Variants in SLC16A7 observed in about 807,000 individuals in gnomAD.
SLC16A7 encodes the protein monocarboxylate transporter 2.
In SLC16A7, 33 loss-of-function variants were observed where a neutral mutation model predicts 34.9. The observed-to-expected ratio is 0.94, with a 90% confidence interval of 0.72 to 1.26. The LOEUF is 1.26. Among genes scored for constraint, SLC16A7 ranks in the 50% most tolerant of loss-of-function variants. The pLI, the probability that SLC16A7 is intolerant of heterozygous loss-of-function variation, is 0.00. For synonymous variants in SLC16A7, 201 were observed against 206.6 expected (o/e 0.97, Z 0.23); for missense variants, 573 against 578.1 (o/e 0.99, Z 0.09).
intron 3 of SLC16A7, among the ~76,000 whole-genome samples, chr12:59,722,903 C>A (rs970533500): frequency 1.3e-5 from 2 of 151,848 alleles, no homozygotes; most frequent in Non-Finnish European, 2.9e-5. Context: ...TATATGTTAT[C>A]CACTAGTCAC....
intron 3 of SLC16A7, among the ~76,000 whole-genome samples, chr12:59,760,045 A>G (rs1033927770): frequency 2.0e-5 from 3 of 152,052 alleles, no homozygotes; most frequent in African/African-American, 7.2e-5. Flanking sequence ...TTAAAAATCT[A>G]TCATAGATCT....
intron 2 of SLC16A7, among the ~76,000 whole-genome samples, chr12:59,685,525 T>C (rs1463536372): frequency 1.3e-5 from 2 of 152,146 alleles, no homozygotes; most frequent in African/African-American, 4.8e-5. Context: ...TCAACTATTA[T>C]GCATTATTTA....
intron 3 of SLC16A7, among the ~76,000 whole-genome samples, chr12:59,763,628 C>A (rs1881243117): frequency 6.6e-6 from 1 of 152,110 alleles, no homozygotes; most frequent in South Asian, 2.1e-4. Flanking sequence ...TATACTTCTA[C>A]TTATTGCATT....
In SLC16A7 at chr12:59,716,665, T is replaced by C. The variant is rs991445166; in HGVS notation, c.217+11647T>C. On this transcript the variant is annotated intron_variant, in intron 3 of 5. Coordinates refer to ENST00000547379, the MANE Select transcript of SLC16A7 (RefSeq NM_001270623.2). The stretch of plus-strand genomic sequence containing the variant: ...AAGTTCAAGACCAGCCTGGACAACA[T>C]GGTGAAACCCTGCCTCTACCCAAAA... Among the ~76,000 whole-genome samples the C allele has an allele frequency of 5.3e-5, 8 of 151,986 alleles. No homozygotes were observed. The South Asian group carries it at 1.2e-3, about 24-fold the overall frequency.
In SLC16A7 at chr12:59,748,159, G is replaced by T. The variant is rs541850504; in HGVS notation, c.218-23060G>T. Among the ~76,000 whole-genome samples, 5 of 152,092 alleles carry T rather than the reference G, an allele frequency of 3.3e-5. No individual in the cohort carries two copies. The South Asian group carries it at 1.0e-3, about 32-fold the overall frequency. On this transcript the variant is annotated intron_variant, in intron 3 of 5. Coordinates refer to ENST00000547379, the MANE Select transcript of SLC16A7 (RefSeq NM_001270623.2). ...GGATTGGTAGAAGTGGAGAGGCGTG[G>T]GTCAAAGGATACAAAATTTTAGCTA...
chr12:59,623,486 A>G (rs1256640631), intron 1 of SLC16A7, among the ~76,000 whole-genome samples: 1 of 151,644 alleles, frequency 6.6e-6, no homozygotes, highest in Non-Finnish European at 1.5e-5. Context: ...TATTTTATCT[A>G]TATAAATTTG....
At chr12:59,752,471 G>A (rs1879702351) in intron 3 of SLC16A7, among the ~76,000 whole-genome samples, 1 of 152,178 alleles carries the variant, frequency 6.6e-6, no homozygotes, top group Admixed American at 6.5e-5. Flanking sequence ...GAAACCTCAG[G>A]AGCGGATGTG....
chr12:59,721,825 A>G (rs1186027205), intron 3 of SLC16A7, among the ~76,000 whole-genome samples: 1 of 151,918 alleles, frequency 6.6e-6, no homozygotes, highest in East Asian at 1.9e-4. Context: ...TCTTCCATAC[A>G]ACACATTCTT....
chr12:59,765,287 G>T (rs566730454), intron 3 of SLC16A7, among the ~76,000 whole-genome samples: 1 of 152,124 alleles, frequency 6.6e-6, no homozygotes, highest in East Asian at 1.9e-4. Flanking sequence ...TAGGTTGCCT[G>T]TTCACTCTGA....
chr12:59,669,680 A>C (rs1869513336), intron 2 of SLC16A7, among the ~76,000 whole-genome samples: 1 of 151,750 alleles, frequency 6.6e-6, no homozygotes, highest in Admixed American at 6.6e-5. Flanking sequence ...ACACACACAC[A>C]CACACGATTT....
At chr12:59,723,931 C>A (rs1617982) in intron 3 of SLC16A7, among the ~76,000 whole-genome samples, 18,657 of 151,792 alleles carry the variant, frequency 0.12, 1,501 homozygotes, top group African/African-American at 0.22. Flanking sequence ...AATATTTTAC[C>A]AATTTTCATC....
intron 5 of SLC16A7, 105 bp downstream of exon 5, chr12:59,775,580 GCC>G: frequency 1.3e-6 from 1 of 789,686 alleles, no homozygotes; most frequent in Non-Finnish European, 2.0e-6. Context: ...AATACTAATA[GCC>G]TGAAGGAATA....
At chr12:59,702,351 A>G (rs945208496) in intron 2 of SLC16A7, among the ~76,000 whole-genome samples, 5 of 152,032 alleles carry the variant, frequency 3.3e-5, no homozygotes, top group Non-Finnish European at 7.4e-5. Context: ...TCCAATTAAT[A>G]GATGAATAGA....
At chr12:59,636,608 T>C (rs1880439927) in intron 1 of SLC16A7, among the ~76,000 whole-genome samples, 1 of 152,044 alleles carries the variant, frequency 6.6e-6, no homozygotes, top group South Asian at 2.1e-4. Context: ...GGACTACAGG[T>C]GTGCACCACC....
chr12:59,757,805 T>G (rs1158433694), intron 3 of SLC16A7, among the ~76,000 whole-genome samples: 2 of 152,082 alleles, frequency 1.3e-5, no homozygotes, highest in Non-Finnish European at 2.9e-5. Context: ...ATAGCCCACT[T>G]CCACTCCATT....
chr12:59,774,467 G>A (rs539782254), intron 4 of SLC16A7, among the ~76,000 whole-genome samples, 190 bp from the exon 5 acceptor site: 161 of 152,192 alleles, frequency 1.1e-3, no homozygotes, highest in African/African-American at 2.4e-3. Context: ...TGAAACTGTC[G>A]TTTCAAGTGT....
At chr12:59,701,375 A>G (rs1872858664) in intron 2 of SLC16A7, among the ~76,000 whole-genome samples, 1 of 150,908 alleles carries the variant, frequency 6.6e-6, no homozygotes, top group Non-Finnish European at 1.5e-5. Context: ...CTTAATTTTC[A>G]TGCCACAAGA....
At chr12:59,612,319 G>T (rs559200618) in intron 1 of SLC16A7, among the ~76,000 whole-genome samples, 2 of 152,312 alleles carry the variant, frequency 1.3e-5, no homozygotes, top group East Asian at 3.9e-4. Context: ...TAAAGCAGTG[G>T]CTTGAGCTGT....
chr12:59,655,570 ATTCTAT>A (rs568206228), intron 2 of SLC16A7, among the ~76,000 whole-genome samples: 1 of 152,018 alleles, frequency 6.6e-6, no homozygotes, highest in Admixed American at 6.6e-5. Context: ...ATAGAATTAT[ATTCTAT>A]TTTTATTACT....
Sources: gnomAD v4.1 joint callset for allele counts (sites outside exome capture counted in the v4.1 genomes callset) on GRCh38, gnomAD v4.1.1 for gene constraint, MANE v1.5 for transcripts, NCBI Gene and HGNC (gene_info 2026-07-23, HGNC 2026-07-21) for gene names.